The following C6orf58 variants were observed in gnomAD, a reference collection of about 807,000 sequenced individuals.
C6orf58 encodes the protein chromosome 6 open reading frame 58, also known as protein LEG1 homolog.
In C6orf58, 30 loss-of-function variants were observed where a neutral mutation model predicts 37.0. The observed-to-expected ratio is 0.81, with a 90% CI of 0.61 to 1.10. The LOEUF (loss-of-function observed/expected upper bound fraction) is 1.10. Among genes scored for constraint, C6orf58 ranks in the 50% least tolerant of loss-of-function variants. The pLI is 0.00. For synonymous variants in C6orf58, 143 were observed against 134.1 expected, an observed-to-expected ratio of 1.07 and a Z score of -0.46; for missense variants, 368 against 387.5, an observed-to-expected ratio of 0.95 and a Z score of 0.42.
In C6orf58 at chr6:127,578,770, C is replaced by A. The variant is rs868561890; in HGVS notation, c.386C>A (p.Ala129Asp). ...HMCISVDSWW[A>D]DLNYFLSSLP... ...TGCATCTCTGTGGACAGTTGGTGGG[C>A]TGGTATGTTCGTTTAAGTGGCAAAA... The change falls in exon 2 of 6, where the codon GCT becomes GAT. Residue 129 changes from alanine to aspartate, a missense_variant and splice_region_variant. By Grantham distance (126) the Ala-to-Asp change is moderately radical. Coordinates refer to ENST00000329722, the MANE Select transcript of C6orf58 (RefSeq NM_001010905.3). The A allele has an allele frequency of 5.6e-6, 9 of 1,609,256 alleles. No homozygotes were observed. The highest frequency in any genetic ancestry group is 7.6e-6 in the Non-Finnish European group (9 of 1,176,628).
intron 4 of C6orf58, 28 bp downstream of exon 4, chr6:127,581,310 A>G (rs1775048070): frequency 2.0e-6 from 2 of 989,934 alleles, no homozygotes; most frequent in South Asian, 1.9e-5. Flanking sequence ...AAGTATCTCT[A>G]TTTAATATGA....
intron 4 of C6orf58, among the ~76,000 whole-genome samples, chr6:127,584,294 A>G (rs887452102): frequency 5.9e-5 from 9 of 152,322 alleles, no homozygotes; most frequent in Admixed American, 2.0e-4. Context: ...CCTTACCAGC[A>G]TTATCAGTTT....
In C6orf58 at chr6:127,578,759, C is replaced by A. The variant is rs1260931475; in HGVS notation, c.375C>A (p.Asp125Glu). 2.5e-6 allele frequency: 4 copies of A among 1,611,988 alleles called. No individual in the cohort carries two copies. The East Asian group carries it at 8.9e-5, about 36-fold the overall frequency. ...GAGATCATATGTGCATCTCTGTGGA[C>A]AGTTGGTGGGCTGGTATGTTCGTTT... ...ESGDHMCISV[D>E]SWWADLNYFL... The change falls in exon 2 of 6, where the codon GAC becomes GAA. Residue 125 changes from aspartate (D) to glutamate (E), a missense_variant. Asp to Glu is a conservative substitution (Grantham distance 45). Transcript: ENST00000329722.
chr6:127,585,063 G>A (rs1196253616), intron 4 of C6orf58, among the ~76,000 whole-genome samples: 1 of 152,094 alleles, frequency 6.6e-6, no homozygotes, highest in Non-Finnish European at 1.5e-5. Context: ...GGTCCAATGG[G>A]ATGATCAGAT....
At chr6:127,591,268 G>A (rs980785927) in intron 5 of C6orf58, among the ~76,000 whole-genome samples, 1 of 151,960 alleles carries the variant, frequency 6.6e-6, no homozygotes, top group Non-Finnish European at 1.5e-5. Flanking sequence ...ATATAACAAT[G>A]ACATTTTATA....
At chr6:127,578,822 G>T in intron 2 of C6orf58, 50 bp downstream of exon 2, 1 of 1,353,172 alleles carries the variant, frequency 7.4e-7, no homozygotes, top group East Asian at 2.3e-5. Flanking sequence ...CTGAAAGAAA[G>T]CATTCAAACC....
intron 4 of C6orf58, among the ~76,000 whole-genome samples, chr6:127,582,569 T>C (rs1326207323): frequency 1.3e-5 from 2 of 152,218 alleles, no homozygotes; most frequent in Non-Finnish European, 2.9e-5. Context: ...AGAAGTTTGC[T>C]GGCCAATTGT....
At chr6:127,590,367 T>A in intron 5 of C6orf58, 42 bp downstream of exon 5, 1 of 1,190,190 alleles carries the variant, frequency 8.4e-7, no homozygotes, top group East Asian at 2.3e-5. Context: ...CAGTATTATG[T>A]TGAACAAATA....
intron 4 of C6orf58, among the ~76,000 whole-genome samples, chr6:127,586,817 A>C (rs1243404601): frequency 6.6e-6 from 1 of 152,168 alleles, no homozygotes; most frequent in East Asian, 1.9e-4. Context: ...TCCTGTTTCC[A>C]AGGTGGTGTT....
intron 5 of C6orf58, 33 bp downstream of exon 5, chr6:127,590,358 A>G: frequency 7.7e-7 from 1 of 1,303,042 alleles, no homozygotes; most frequent in Non-Finnish European, 1.1e-6. Flanking sequence ...TTTAAAAATC[A>G]GTATTATGTT....
Position 127,578,741 on chromosome 6 carries a change from T to G in C6orf58, c.357T>G (p.His119Gln), listed in dbSNP as rs1332321718. ...RTNCGYESGDHMCISVDSWWA... is the reference protein window; with the variant it reads ...RTNCGYESGDQMCISVDSWWA... ...ACTGTGGCTATGAATCTGGAGATCA[T>G]ATGTGCATCTCTGTGGACAGTTGGT... Residue 119 changes from histidine to glutamine, a missense_variant, in exon 2 of 6, where the codon CAT becomes CAG. Transcript: ENST00000329722. 8.7e-6 allele frequency: 14 copies of G among 1,612,738 alleles called. No homozygotes were observed. Among genetic ancestry groups the G allele is most frequent in the Non-Finnish European group, 1.2e-5 (14 of 1,179,080 alleles).
At position 127,591,323 on chromosome 6, in the gene C6orf58, G is replaced by A. The variant is rs1306974470; in HGVS notation, c.914-220G>A. Among the ~76,000 whole-genome samples, 3 of 151,986 alleles carry A rather than the reference G, an allele frequency of 2.0e-5. No homozygotes were observed. In the East Asian group the frequency reaches 5.8e-4, roughly 29 times the overall value. On this transcript the variant is annotated intron_variant, in intron 5 of 5. Coordinates refer to ENST00000329722, the MANE Select transcript of C6orf58 (RefSeq NM_001010905.3). ...TTATTATTTTATCACCAAATTCATA[G>A]AAAGAACGTGAAGTAAAGTTGGTAA...
intron 4 of C6orf58, among the ~76,000 whole-genome samples, chr6:127,588,548 C>T (rs1775128940): frequency 1.3e-5 from 2 of 152,182 alleles, no homozygotes; most frequent in Admixed American, 1.3e-4. Flanking sequence ...AACTCTGTGG[C>T]TCTGTATCCT....
chr6:127,589,112 A>C (rs1235186670), intron 4 of C6orf58, among the ~76,000 whole-genome samples: 2 of 152,236 alleles, frequency 1.3e-5, no homozygotes, highest in African/African-American at 4.8e-5. Flanking sequence ...TGCTGTCAAA[A>C]TAAAATCAGA....
At chr6:127,584,331 A>C (rs1775082695) in intron 4 of C6orf58, among the ~76,000 whole-genome samples, 1 of 152,312 alleles carries the variant, frequency 6.6e-6, no homozygotes, top group East Asian at 1.9e-4. Context: ...GTGATAAGGC[A>C]TTTCAGAATA....
At chr6:127,584,559 G>A (rs1191603620) in intron 4 of C6orf58, among the ~76,000 whole-genome samples, 11 of 152,042 alleles carry the variant, frequency 7.2e-5, no homozygotes, top group African/African-American at 1.2e-4. Context: ...GGCAGATCAC[G>A]AGGTCAGGAG....
chr6:127,590,059 A>C (rs1775145499), intron 4 of C6orf58, 28 bp from the exon 5 acceptor site: 1 of 1,515,010 alleles, frequency 6.6e-7, no homozygotes, highest in African/African-American at 1.4e-5. Flanking sequence ...ACTAATTATA[A>C]TTAAATACTT....
intron 4 of C6orf58, among the ~76,000 whole-genome samples, chr6:127,589,354 G>A (rs1398273997): frequency 1.3e-5 from 2 of 152,172 alleles, no homozygotes; most frequent in African/African-American, 4.8e-5. Context: ...GGGAGAACAA[G>A]TCTGTTTGCA....
rs532614929 is a variant in C6orf58, at chr6:127,586,326, CAAAAAGG to C, written c.675-3748_675-3742del. On this transcript the variant is annotated intron_variant, in intron 4 of 5. Transcript: ENST00000329722. ...GGTGAGGGGAATGGAATTTATGGGG[CAAAAAGG>C]AAAAAGGAAAAATAATTCTCAGCAA... 1.4e-3 allele frequency among the ~76,000 whole-genome samples: 209 copies of C among 152,064 alleles called. No homozygotes were observed. In the East Asian group the frequency reaches 0.035, roughly 26 times the overall value.
Sources: allele counts gnomAD v4.1 joint callset (sites outside exome capture counted in the v4.1 genomes callset), GRCh38; gene constraint gnomAD v4.1.1; transcripts MANE v1.5; gene names NCBI Gene and HGNC (gene_info 2026-07-23, HGNC 2026-07-21).